Variants in SYCE1L observed in about 807,000 individuals in gnomAD.
SYCE1L encodes the protein synaptonemal complex central element protein 1-like.
A neutral mutation model predicts 39.6 loss-of-function variants in SYCE1L; 51 were observed. The observed-to-expected ratio is 1.29, with a 90% confidence interval of 1.03 to 1.63. SYCE1L has a LOEUF of 1.63. Ranked by LOEUF, SYCE1L falls within the 40% of genes most tolerant of loss-of-function variation. The probability of loss-of-function intolerance (pLI) is 0.00; values close to 1 mark genes in which losing one functional copy is unlikely to be tolerated. For synonymous variants in SYCE1L, 147 were observed against 122.4 expected (o/e 1.20, Z -1.33); for missense variants, 426 against 304.9 (o/e 1.40, Z -2.96).
At chr16:77,205,740 C>T (rs1026717061) in intron 1 of SYCE1L, among the ~76,000 whole-genome samples, 1 of 151,936 alleles carries the variant, frequency 6.6e-6, no homozygotes, top group African/African-American at 2.4e-5. Flanking sequence ...GATGAGATTC[C>T]ATCCCGCTTT....
At chr16:77,209,597 T>A in intron 6 of SYCE1L, 126 bp downstream of exon 6, 1 of 987,864 alleles carries the variant, frequency 1.0e-6, no homozygotes, top group Non-Finnish European at 1.5e-6. Flanking sequence ...TAGAGCAGCC[T>A]GACAAAAGAT....
chr16:77,200,248 GTA>G (rs1461505660), intron 1 of SYCE1L: 3 of 88,980 alleles, frequency 3.4e-5, no homozygotes, highest in South Asian at 3.5e-4. Context: ...ATATATATAT[GTA>G]TATGTGTATA....
Position 77,209,107 on chromosome 16 carries a change from G to C in SYCE1L, c.267G>C (p.Glu89Asp). ...LHRELDSLNG[E>D]KVHLEEVLGK... Reference sequence around the variant, plus strand: ...CATTGTGTTTTCCAGTGAATGGAGAGAAAGTGCACCTAGAGGAGGTCTTGG... The same window carrying C: ...CATTGTGTTTTCCAGTGAATGGAGACAAAGTGCACCTAGAGGAGGTCTTGG... The change falls in exon 5 of 11, where the codon GAG becomes GAC. Residue 89 changes from glutamate (E) to aspartate (D), a missense_variant. Glu to Asp is a conservative substitution (Grantham distance 45). Coordinates refer to ENST00000378644, the MANE Select transcript of SYCE1L (RefSeq NM_001129979.3). 2 of 1,551,734 alleles carry C rather than the reference G, an allele frequency of 1.3e-6. No individual in the cohort carries two copies. The highest frequency in any genetic ancestry group is 1.7e-6 in the Non-Finnish European group (2 of 1,147,008).
chr16:77,203,744 A>G (rs1462069920), intron 1 of SYCE1L, among the ~76,000 whole-genome samples: 7 of 151,888 alleles, frequency 4.6e-5, no homozygotes, highest in Admixed American at 1.3e-4. Flanking sequence ...ACAGGCGTGC[A>G]TCAACATGTC....
chr16:77,200,291 T>TATATATATACACACAC, intron 1 of SYCE1L: 1 of 111,428 alleles, frequency 9.0e-6, no homozygotes, highest in African/African-American at 3.4e-5. Flanking sequence ...TATATATATA[T>TATATATATACACACAC]ACACACACTA....
At position 77,212,559 on chromosome 16, in the gene SYCE1L, G is replaced by A; in HGVS notation, c.582-15G>A. On this transcript the variant is annotated splice_polypyrimidine_tract_variant and intron_variant, in intron 9 of 10. Coordinates refer to ENST00000378644, the MANE Select transcript of SYCE1L (RefSeq NM_001129979.3). ...TCGCTCTCTTCCTCCTGTCTCCTCG[G>A]CCCCTTCTCCGCAGGCTGAAGGCGG... The A allele has an allele frequency of 6.5e-7, 1 of 1,536,830 alleles. No homozygotes were observed.
intron 1 of SYCE1L, among the ~76,000 whole-genome samples, chr16:77,206,208 T>G (rs1340786930): frequency 1.3e-5 from 2 of 152,100 alleles, no homozygotes; most frequent in Non-Finnish European, 2.9e-5. Flanking sequence ...TGTGGTGGTG[T>G]TTTTTAACCC....
chr16:77,212,992 G>A lies in SYCE1L; in HGVS notation c.*61G>A. ...AGACCCGCCAAGAAATAAAGGCGAT[G>A]ATTTCCGACCATGCTCGCGTTCTCC... On this transcript the variant is annotated 3_prime_UTR_variant, in exon 11 of 11. Transcript: ENST00000378644. 2 of 1,418,454 alleles carry A rather than the reference G, an allele frequency of 1.4e-6. No homozygotes were observed. The highest frequency in any genetic ancestry group is 9.3e-7 in the Non-Finnish European group (1 of 1,072,200). The allele number at this position is 1,418,454 out of a possible 1,614,324, so 87.9% of individuals were successfully genotyped here. A position where few individuals can be genotyped will look rare whatever the true frequency, so the allele number is the denominator to read the frequency against.
rs1180444898 is a variant in SYCE1L, at chr16:77,211,269, A to G, written c.416A>G (p.Glu139Gly). ...DLMGQHKDLW[E>G]FHMLEQRLAR... ...ATGGGCCAGCACAAGGACCTCTGGGAATTCCACGTGAGCCATTATCATTGC... is the reference window on the plus strand; with the variant it reads ...ATGGGCCAGCACAAGGACCTCTGGGGATTCCACGTGAGCCATTATCATTGC... Residue 139 changes from glutamate (E) to glycine (G), a missense_variant, in exon 7 of 11, where the codon GAA becomes GGA. Physicochemically the swap from Glu to Gly is moderately conservative, Grantham distance 98. Coordinates refer to ENST00000378644, the MANE Select transcript of SYCE1L (RefSeq NM_001129979.3). The G allele has an allele frequency of 1.3e-6, 2 of 1,551,862 alleles. No homozygotes were observed. The highest frequency in any genetic ancestry group is 3.9e-5 in the Admixed American group (2 of 50,994).
Position 77,206,491 on chromosome 16 carries a change from C to A in SYCE1L, c.112C>A (p.Leu38Met). ...AGACTTGCTGGCAATGGTGATAAAG[C>A]TGCAGAAAGGTCATGTGTCTCTTTG... ...TEDLLAMVIK[L>M]QKEGSLEPQI... Residue 38 changes from leucine to methionine, a missense_variant, in exon 2 of 11, where the codon CTG becomes ATG. Physicochemically the swap from Leu to Met is conservative, Grantham distance 15. Coordinates refer to ENST00000378644, the MANE Select transcript of SYCE1L (RefSeq NM_001129979.3). 6.4e-7 allele frequency: 1 copy of A among 1,551,772 alleles called. No homozygotes were observed. Among genetic ancestry groups the A allele is most frequent in the Non-Finnish European group, 8.7e-7 (1 of 1,147,008 alleles).
At chr16:77,211,111 C>A in intron 6 of SYCE1L, 102 bp from the exon 7 acceptor site, 1 of 1,269,264 alleles carries the variant, frequency 7.9e-7, no homozygotes, top group South Asian at 1.3e-5. Context: ...GGGCTCCCAG[C>A]AGAGGGAGCA....
At chr16:77,208,112 G>A (rs148000027) in intron 2 of SYCE1L, 98 bp from the exon 3 acceptor site, 31 of 1,238,296 alleles carry the variant, frequency 2.5e-5, no homozygotes, top group East Asian at 7.6e-5. Flanking sequence ...AATATATGCC[G>A]GTTAATTGAT....
At chr16:77,200,969 C>G (rs923661888) in intron 1 of SYCE1L, 1 of 152,210 alleles carries the variant, frequency 6.6e-6, no homozygotes, top group African/African-American at 2.4e-5. Flanking sequence ...TCTGCACACT[C>G]TTTAAACCAC....
intron 6 of SYCE1L, among the ~76,000 whole-genome samples, chr16:77,210,071 A>G (rs1032980505): frequency 1.3e-5 from 2 of 151,854 alleles, no homozygotes; most frequent in African/African-American, 4.8e-5. Flanking sequence ...TCTACTCATC[A>G]TTTCTCCAAT....
At position 77,208,238 on chromosome 16, in the gene SYCE1L, C is replaced by A. The variant is rs765680664; in HGVS notation, c.150C>A (p.Asp50Glu). 1.7e-5 allele frequency: 27 copies of A among 1,551,488 alleles called. No homozygotes were observed. The highest frequency in any genetic ancestry group is 2.1e-5 in the Non-Finnish European group (24 of 1,147,002). ...KEGSLEPQIE[D>E]LISRINDLQQ... is the part of the protein sequence containing the mutation. ...GAAGCCTGGAGCCACAGATAGAGGACCTGATTAGCCGGATTAATGATCTTC... is the reference window on the plus strand; with the variant it reads ...GAAGCCTGGAGCCACAGATAGAGGAACTGATTAGCCGGATTAATGATCTTC... Residue 50 changes from aspartate (D) to glutamate (E), a missense_variant, in exon 3 of 11, where the codon GAC (aspartate) becomes GAA (glutamate). Transcript: ENST00000378644.
Position 77,199,486 on chromosome 16 carries a change from C to A in SYCE1L, c.35C>A (p.Ala12Glu), listed in dbSNP as rs1055717836. 3 of 1,551,280 alleles carry A rather than the reference C, an allele frequency of 1.9e-6. No homozygotes were observed. The highest frequency in any genetic ancestry group is 2.7e-5 in the African/African-American group (2 of 73,128). The change falls in exon 1 of 11, where the codon GCG becomes GAG. Residue 12 changes from alanine (A) to glutamate (E), a missense_variant. Coordinates refer to ENST00000378644, the MANE Select transcript of SYCE1L (RefSeq NM_001129979.3). ...AAGCTGAAACCTCTGAATGTGGAGGCGCCAGAAGCTACTGAGGAGGCTGAA... is the reference window on the plus strand; with the variant it reads ...AAGCTGAAACCTCTGAATGTGGAGGAGCCAGAAGCTACTGAGGAGGCTGAA... Reference protein sequence around the residue: ...AGKLKPLNVEAPEATEEAEGQ... With the variant: ...AGKLKPLNVEEPEATEEAEGQ...
At chr16:77,211,757 G>C (rs752496357) in intron 7 of SYCE1L, among the ~76,000 whole-genome samples, 2 of 152,188 alleles carry the variant, frequency 1.3e-5, no homozygotes, top group Non-Finnish European at 2.9e-5. Context: ...CAGTGGGAAG[G>C]CCTCTAAGCA....
chr16:77,207,154 A>G (rs886736926), intron 2 of SYCE1L, among the ~76,000 whole-genome samples: 2 of 152,218 alleles, frequency 1.3e-5, no homozygotes, highest in Non-Finnish European at 2.9e-5. Context: ...GATCATTTCC[A>G]GTAAAACAAA....
chr16:77,213,172 C>T lies in SYCE1L; in HGVS notation c.*241C>T. The T allele has an allele frequency of 2.5e-6, 1 of 398,366 alleles. No individual in the cohort carries two copies. Among genetic ancestry groups the T allele is most frequent in the Non-Finnish European group, 4.4e-6 (1 of 225,980 alleles). The allele number at this position is 398,366 out of a possible 1,614,324, so 24.7% of individuals were successfully genotyped here. On this transcript the variant is annotated 3_prime_UTR_variant, in exon 11 of 11. Coordinates refer to ENST00000378644, the MANE Select transcript of SYCE1L (RefSeq NM_001129979.3). ...AGAGAGAGTAAGTGGGTGTCAGTAT[C>T]CCCCGCCCCACGGCCTCATCTCGAG...
Sources: allele counts gnomAD v4.1 joint callset (sites outside exome capture counted in the v4.1 genomes callset), GRCh38; gene constraint gnomAD v4.1.1; transcripts MANE v1.5; gene names NCBI Gene and HGNC (gene_info 2026-07-23, HGNC 2026-07-21).